SNAI2: variants seen among roughly 807,000 people sequenced by gnomAD.
SNAI2 encodes the protein snail family transcriptional repressor 2, also known as zinc finger protein SNAI2.
SNAI2 carries 2 observed loss-of-function variants against 22.4 expected under a neutral mutation model. That is an observed-to-expected ratio of 0.09 (90% CI 0.04 to 0.28). The LOEUF (loss-of-function observed/expected upper bound fraction) is 0.28. Among genes scored for constraint, SNAI2 ranks in the 10% least tolerant of loss-of-function variants. The pLI is 1.00. For missense variants in SNAI2, 239 were observed against 320.8 expected (o/e 0.75, Z 1.95); for synonymous variants, 134 against 123.0 (o/e 1.09, Z -0.59).
intron 2 of SNAI2, among the ~76,000 whole-genome samples, chr8:48,919,491 A>G (rs894323716): frequency 6.6e-6 from 1 of 152,254 alleles, no homozygotes; most frequent in African/African-American, 2.4e-5. Flanking sequence ...GGTGACAAAT[A>G]TCAGAGCAAG....
Position 48,918,239 on chromosome 8 carries a change from T to C in SNAI2, c.*568A>G, listed in dbSNP as rs1806107000. On this transcript the variant is annotated 3_prime_UTR_variant, in exon 3 of 3. Transcript: ENST00000020945. ...TACATTCTCCTGTGTTTTGTTCTTGTTATTTTTTTCCTCCCTTTTAAAAAT... is the reference window on the plus strand; with the variant it reads ...TACATTCTCCTGTGTTTTGTTCTTGCTATTTTTTTCCTCCCTTTTAAAAAT... 6.5e-6 allele frequency: 1 copy of C among 153,674 alleles called. No individual in the cohort carries two copies. Among genetic ancestry groups the C allele is most frequent in the East Asian group, 1.9e-4 (1 of 5,226 alleles). The allele number at this position is 153,674 out of a possible 1,614,324, so 9.5% of individuals were successfully genotyped here. A position where few individuals can be genotyped will look rare whatever the true frequency, so the allele number is the denominator to read the frequency against.
Position 48,918,959 on chromosome 8 carries a change from T to C in SNAI2, c.655A>G (p.Asn219Asp). Reference protein sequence around the residue: ...GEKPFSCPHCNRAFADRSNLR... With the variant: ...GEKPFSCPHCDRAFADRSNLR... ...TTTGACCTGTCTGCAAATGCTCTGT[T>C]GCAGTGAGGGCAAGAAAAAGGCTTC... Residue 219 changes from asparagine to aspartate, a missense_variant, in exon 3 of 3, where the codon AAC (asparagine) becomes GAC (aspartate). Physicochemically the swap from Asn to Asp is conservative, Grantham distance 23. Transcript: ENST00000020945. 6.2e-7 allele frequency: 1 copy of C among 1,614,002 alleles called. No homozygotes were observed. The highest frequency in any genetic ancestry group is 8.5e-7 in the Non-Finnish European group (1 of 1,179,998).
intron 2 of SNAI2, 81 bp from the exon 3 acceptor site, chr8:48,919,069 T>G: frequency 1.4e-6 from 2 of 1,397,440 alleles, no homozygotes; most frequent in Non-Finnish European, 2.0e-6. Flanking sequence ...TTAACAAAAG[T>G]CAATCACATT....
chr8:48,921,278 T>A lies in SNAI2; in HGVS notation c.-13A>T, dbSNP rs886062987. 1 of 1,610,022 alleles carries A rather than the reference T, an allele frequency of 6.2e-7. No homozygotes were observed. Among genetic ancestry groups the A allele is most frequent in the Admixed American group, 1.7e-5 (1 of 60,026 alleles). On this transcript the variant is annotated 5_prime_UTR_variant, in exon 1 of 3. Transcript: ENST00000020945. ...AGGAGCGCGGCATCTTGCCAGCGGG[T>A]CTGGCGGGCGCCCGGCGCGGATAAC...
At chr8:48,919,766 G>C in intron 2 of SNAI2, 130 bp downstream of exon 2, 15 of 1,010,752 alleles carry the variant, frequency 1.5e-5, no homozygotes, top group Non-Finnish European at 2.2e-5. Context: ...TTTTTGAGTA[G>C]TCAGGAAGTA....
Position 48,920,093 on chromosome 8 carries a change from A to G in SNAI2, c.428T>C (p.Leu143Pro). The stretch of plus-strand genomic sequence containing the variant: ...GCAGTGCAGCTGCTTATGTTTGGCC[A>G]GCCCAGAAAAAGTTGAATAGGTCTT... ...CNKTYSTFSGLAKHKQLHCDA... is the reference protein window; with the variant it reads ...CNKTYSTFSGPAKHKQLHCDA... The change falls in exon 2 of 3, where the codon CTG (leucine) becomes CCG (proline). Residue 143 changes from leucine to proline, a missense_variant. Leu to Pro is a moderately conservative substitution (Grantham distance 98). Coordinates refer to ENST00000020945, the MANE Select transcript of SNAI2 (RefSeq NM_003068.5). 6.2e-7 allele frequency: 1 copy of G among 1,614,264 alleles called. No homozygotes were observed. The highest frequency in any genetic ancestry group is 8.5e-7 in the Non-Finnish European group (1 of 1,180,050).
intron 2 of SNAI2, 120 bp from the exon 3 acceptor site, chr8:48,919,108 C>T: frequency 1.1e-6 from 1 of 905,648 alleles, no homozygotes; most frequent in Non-Finnish European, 1.7e-6. Flanking sequence ...GCAGCAAAAC[C>T]TGATTAAAAT....
At position 48,920,393 on chromosome 8, in the gene SNAI2, G is replaced by C; in HGVS notation, c.128C>G (p.Pro43Arg). The change falls in exon 2 of 3, where the codon CCA (proline) becomes CGA (arginine). Residue 43 changes from proline to arginine, a missense_variant. Coordinates refer to ENST00000020945, the MANE Select transcript of SNAI2 (RefSeq NM_003068.5). ...TCCTGAGCTGAGGATCTCTGGTTGT[G>C]GTATGACAGGCATGGAGTAACTCTC... ...LYESYSMPVI[P>R]QPEILSSGAY... The C allele has an allele frequency of 6.2e-7, 1 of 1,614,020 alleles. No individual in the cohort carries two copies. Among genetic ancestry groups the C allele is most frequent in the Non-Finnish European group, 8.5e-7 (1 of 1,179,974 alleles).
At position 48,920,380 on chromosome 8, in the gene SNAI2, G is replaced by T; in HGVS notation, c.141C>A (p.Ile47=). The T allele has an allele frequency of 6.2e-7, 1 of 1,614,130 alleles. No individual in the cohort carries two copies. The highest frequency in any genetic ancestry group is 8.5e-7 in the Non-Finnish European group (1 of 1,179,990). Residue 47 remains isoleucine (I), a synonymous_variant, in exon 2 of 3, where the codon ATC becomes ATA. Transcript: ENST00000020945. ...TGGGGCTGTATGCTCCTGAGCTGAG[G>T]ATCTCTGGTTGTGGTATGACAGGCA... ...YSMPVIPQPE[I]LSSGAYSPIT... is the part of the protein sequence containing the mutation.
intron 1 of SNAI2, 41 bp downstream of exon 1, chr8:48,921,146 G>T: frequency 7.5e-7 from 1 of 1,342,248 alleles, no homozygotes; most frequent in Non-Finnish European, 1.1e-6. Context: ...TATTTGCAAA[G>T]CTCTAGATAC....
intron 1 of SNAI2, 137 bp from the exon 2 acceptor site, chr8:48,920,578 G>T (rs1474123367): frequency 2.0e-5 from 16 of 788,548 alleles, no homozygotes; most frequent in Non-Finnish European, 3.2e-5. Flanking sequence ...ACCCATTTAG[G>T]AGGGCATACA....
chr8:48,921,055 T>A, intron 1 of SNAI2, 132 bp downstream of exon 1: 1 of 758,344 alleles, frequency 1.3e-6, no homozygotes, highest in Non-Finnish European at 2.3e-6. Context: ...GTAAGCTCCC[T>A]TTCAGGACAC....
intron 1 of SNAI2, 101 bp from the exon 2 acceptor site, chr8:48,920,542 A>G: frequency 9.2e-7 from 1 of 1,086,872 alleles, no homozygotes; most frequent in Admixed American, 1.8e-5. Context: ...AGCAACACAC[A>G]CGTGATTTTC....
chr8:48,919,781 T>G (rs574536335), intron 2 of SNAI2, 115 bp downstream of exon 2: 35 of 1,119,520 alleles, frequency 3.1e-5, no homozygotes, highest in East Asian at 9.4e-5. Flanking sequence ...GAAGTAGCTA[T>G]CAATGACTGT....
At position 48,920,568 on chromosome 8, in the gene SNAI2, AC is replaced by A. The variant is rs1227740588; in HGVS notation, c.80-128del. The A allele has an allele frequency of 4.6e-6, 4 of 875,742 alleles. No individual in the cohort carries two copies. In the Admixed American group the frequency reaches 7.8e-5, roughly 17 times the overall value. The allele number at this position is 875,742 out of a possible 1,614,324, so 54.2% of individuals were successfully genotyped here. ...CGTGATTTTCTTAGGAAGAAGATAG[AC>A]CCATTTAGGAGGGCATACACACTGG... On this transcript the variant is annotated intron_variant, in intron 1 of 2. Coordinates refer to ENST00000020945, the MANE Select transcript of SNAI2 (RefSeq NM_003068.5).
Position 48,918,889 on chromosome 8 carries a change from T to C in SNAI2, c.725A>G (p.Gln242Arg), listed in dbSNP as rs750242653. 6.2e-7 allele frequency: 1 copy of C among 1,614,154 alleles called. No homozygotes were observed. Among genetic ancestry groups the C allele is most frequent in the East Asian group, 2.2e-5 (1 of 44,866 alleles). Residue 242 changes from glutamine (Q) to arginine (R), a missense_variant, in exon 3 of 3, where the codon CAG (glutamine) becomes CGG (arginine). By Grantham distance (43) the Gln-to-Arg change is conservative. This residue lies in a region of SNAI2 where 25 missense variants were observed against 31.4 expected (regional missense o/e 0.80). Transcript: ENST00000020945. ...LQTHSDVKKY[Q>R]CKNCSKTFSR... ...GAAGGTTTTGGAGCAGTTTTTGCACTGGTATTTCTTTACATCAGAATGGGT... is the reference window on the plus strand; with the variant it reads ...GAAGGTTTTGGAGCAGTTTTTGCACCGGTATTTCTTTACATCAGAATGGGT...
chr8:48,919,058 G>C, intron 2 of SNAI2, 70 bp from the exon 3 acceptor site: 1 of 1,461,432 alleles, frequency 6.8e-7, no homozygotes. Context: ...GTAAAATCAT[G>C]TTAACAAAAG....
At position 48,919,138 on chromosome 8, in the gene SNAI2, T is replaced by C. The variant is rs963292097; in HGVS notation, c.626-150A>G. On this transcript the variant is annotated intron_variant, in intron 2 of 2. Coordinates refer to ENST00000020945, the MANE Select transcript of SNAI2 (RefSeq NM_003068.5). Reference sequence around the variant, plus strand: ...TAAAATCCCTCATAATAGACACTTTTAAAAATACCTGAATTTTTAAGATAA... The same window carrying C: ...TAAAATCCCTCATAATAGACACTTTCAAAAATACCTGAATTTTTAAGATAA... The C allele has an allele frequency of 4.7e-5, 32 of 682,734 alleles. No homozygotes were observed. In the African/African-American group the frequency reaches 5.4e-4, roughly 12 times the overall value. 42.3% of individuals were successfully genotyped at this position (682,734 alleles called of 1,614,324 possible).
rs745724072 is a variant in SNAI2, at chr8:48,920,177, G to A, written c.344C>T (p.Ser115Phe). ...PISDEEERLQ[S>F]KLSDPHAIEA... ...AATGGCATGGGGGTCTGAAAGCTTG[G>A]ACTGTAGTCTTTCCTCTTCATCACT... The change falls in exon 2 of 3, where the codon TCC (serine) becomes TTC (phenylalanine). Residue 115 changes from serine to phenylalanine, a missense_variant. By Grantham distance (155) the Ser-to-Phe change is radical (BLOSUM62 -2). Coordinates refer to ENST00000020945, the MANE Select transcript of SNAI2 (RefSeq NM_003068.5). The A allele has an allele frequency of 1.2e-6, 2 of 1,614,190 alleles. No individual in the cohort carries two copies. Among genetic ancestry groups the A allele is most frequent in the Admixed American group, 3.3e-5 (2 of 60,016 alleles).
Sources: gnomAD v4.1 joint callset for allele counts (sites outside exome capture counted in the v4.1 genomes callset) on GRCh38, gnomAD v4.1.1 for gene constraint, gnomAD v4.1.1 regional missense constraint, MANE v1.5 for transcripts, NCBI Gene and HGNC (gene_info 2026-07-23, HGNC 2026-07-21) for gene names.